RNLS: variants seen among roughly 807,000 people sequenced by gnomAD.
The protein encoded by RNLS is renalase, FAD dependent amine oxidase, also known as renalase.
A neutral mutation model predicts 39.8 loss-of-function variants in RNLS; 39 were observed. That is an observed-to-expected ratio of 0.98 (90% CI 0.76 to 1.28). The LOEUF is 1.28. Among genes scored for constraint, RNLS ranks in the 50% most tolerant of loss-of-function variants. The probability of loss-of-function intolerance (pLI) is 0.00; values close to 1 mark genes in which losing one functional copy is unlikely to be tolerated. For synonymous variants in RNLS, 147 were observed against 150.7 expected (o/e 0.98, Z 0.18); for missense variants, 410 against 413.3 (o/e 0.99, Z 0.07).
At chr10:88,535,037 G>A (rs1193127044) in intron 4 of RNLS, among the ~76,000 whole-genome samples, 1 of 152,034 alleles carries the variant, frequency 6.6e-6, no homozygotes, top group African/African-American at 2.4e-5. Flanking sequence ...TTGTTCATGG[G>A]TTTTTAAAAA....
intron 4 of RNLS, among the ~76,000 whole-genome samples, chr10:88,388,794 A>G (rs1852019056): frequency 1.3e-5 from 2 of 152,166 alleles, no homozygotes; most frequent in African/African-American, 4.8e-5. Flanking sequence ...ATCAAACTCC[A>G]TTAAGACAAG....
chr10:88,575,629 T>A (rs932243038), intron 3 of RNLS, among the ~76,000 whole-genome samples: 2 of 152,094 alleles, frequency 1.3e-5, no homozygotes, highest in Non-Finnish European at 2.9e-5. Context: ...AAAGTGGCAT[T>A]TCCTTGTGAA....
intron 5 of RNLS, among the ~76,000 whole-genome samples, chr10:88,347,000 A>G (rs1379838696): frequency 6.6e-6 from 1 of 152,198 alleles, no homozygotes; most frequent in Non-Finnish European, 1.5e-5. Flanking sequence ...AGGCAAAGGA[A>G]TGATCCCATC....
At chr10:88,375,810 T>C (rs1400372461) in intron 4 of RNLS, among the ~76,000 whole-genome samples, 1 of 152,060 alleles carries the variant, frequency 6.6e-6, no homozygotes, top group Non-Finnish European at 1.5e-5. Context: ...GAGAAAACCA[T>C]ATTTAATAAC....
chr10:88,494,158 T>C (rs1402847855), intron 4 of RNLS, among the ~76,000 whole-genome samples: 1 of 152,138 alleles, frequency 6.6e-6, no homozygotes, highest in Non-Finnish European at 1.5e-5. Flanking sequence ...TTGAGGATAT[T>C]CAGATTTTGA....
intron 4 of RNLS, among the ~76,000 whole-genome samples, chr10:88,450,706 A>G (rs1842313489): frequency 6.6e-6 from 1 of 152,262 alleles, no homozygotes; most frequent in Admixed American, 6.5e-5. Flanking sequence ...TCTTGAATCA[A>G]TAACATGAAA....
chr10:88,212,332 G>GGTGTGTATGTAATACATATTTGTCCT, the RNLS span, among the ~76,000 whole-genome samples: 1 of 152,144 alleles, frequency 6.6e-6, no homozygotes, highest in African/African-American at 2.4e-5. Context: ...TCTTGTGCAA[G>GGTGTGTATGTAATACATATTTGTCCT]GTGTGTATGT....
chr10:88,317,770 C>A (rs755603940), intron 5 of RNLS, among the ~76,000 whole-genome samples: 1 of 152,040 alleles, frequency 6.6e-6, no homozygotes, highest in Non-Finnish European at 1.5e-5. Context: ...GCAAAACTTA[C>A]AGAAGAGATC....
chr10:88,449,169 A>AC (rs1293982540), intron 4 of RNLS, among the ~76,000 whole-genome samples: 1 of 152,138 alleles, frequency 6.6e-6, no homozygotes, highest in East Asian at 1.9e-4. Flanking sequence ...ACAAAACAAA[A>AC]CAAAAAAACA....
At chr10:88,330,763 C>T (rs1847058136) in intron 5 of RNLS, among the ~76,000 whole-genome samples, 1 of 151,904 alleles carries the variant, frequency 6.6e-6, no homozygotes, top group South Asian at 2.1e-4. Context: ...ACATCCTTTA[C>T]AATTTGACAA....
At chr10:88,299,786 G>A (rs193247293) in intron 6 of RNLS, among the ~76,000 whole-genome samples, 13 of 152,170 alleles carry the variant, frequency 8.5e-5, no homozygotes, top group South Asian at 8.3e-4. Flanking sequence ...ATAAAGTTGT[G>A]TCTTCCAAAT....
the RNLS span, among the ~76,000 whole-genome samples, chr10:88,215,722 G>T: frequency 7.9e-6 from 1 of 127,328 alleles, no homozygotes; most frequent in African/African-American, 3.0e-5. Context: ...TTTCCGAGAT[G>T]GAGTTTTGCT....
downstream of RNLS, among the ~76,000 whole-genome samples, chr10:88,269,334 A>G (rs1842585678): frequency 6.6e-6 from 1 of 152,230 alleles, no homozygotes; most frequent in Non-Finnish European, 1.5e-5. Flanking sequence ...TAGGTTGTCT[A>G]TATGTAAATA....
the RNLS span, among the ~76,000 whole-genome samples, chr10:88,203,775 A>C: frequency 1.3e-5 from 2 of 151,196 alleles, no homozygotes; most frequent in Non-Finnish European, 1.5e-5. Flanking sequence ...TTATTATAAA[A>C]TAATATTATA....
intron 4 of RNLS, among the ~76,000 whole-genome samples, chr10:88,387,686 G>T (rs1296473693): frequency 6.6e-6 from 1 of 152,112 alleles, no homozygotes; most frequent in Non-Finnish European, 1.5e-5. Flanking sequence ...CATGCCCCAG[G>T]TCACCCAGCT....
At chr10:88,443,531 G>A (rs1224223830) in intron 4 of RNLS, among the ~76,000 whole-genome samples, 1 of 152,236 alleles carries the variant, frequency 6.6e-6, no homozygotes, top group African/African-American at 2.4e-5. Flanking sequence ...CCTCACCCGG[G>A]AAGTGCAAGG....
At chr10:88,446,488 GAC>G (rs1456026958) in intron 4 of RNLS, among the ~76,000 whole-genome samples, 5 of 152,060 alleles carry the variant, frequency 3.3e-5, no homozygotes, top group African/African-American at 9.7e-5. Context: ...AGGAGATAGA[GAC>G]ACAAAAAACC....
At chr10:88,434,952 AG>A (rs1205728000) in intron 4 of RNLS, among the ~76,000 whole-genome samples, 1 of 152,058 alleles carries the variant, frequency 6.6e-6, no homozygotes, top group Non-Finnish European at 1.5e-5. Flanking sequence ...AAAGGGCTAG[AG>A]ATTTTGAATC....
At chr10:88,567,185 G>A (rs1382732050) in intron 4 of RNLS, among the ~76,000 whole-genome samples, 1 of 151,922 alleles carries the variant, frequency 6.6e-6, no homozygotes, top group Non-Finnish European at 1.5e-5. Context: ...AAAAAACCCA[G>A]GAAAGACAGA....
Sources: gnomAD v4.1 joint callset for allele counts (sites outside exome capture counted in the v4.1 genomes callset) on GRCh38, gnomAD v4.1.1 for gene constraint, MANE v1.5 for transcripts, NCBI Gene and HGNC (gene_info 2026-07-23, HGNC 2026-07-21) for gene names.